ANK2: variants seen among roughly 807,000 people sequenced by gnomAD.
ANK2 encodes ankyrin 2.
In ANK2, 83 loss-of-function variants were observed where a neutral mutation model predicts 360.5. The ratio of observed to expected loss-of-function variants is 0.23; its 90% CI spans 0.19 to 0.28. ANK2 has a LOEUF of 0.28. Among genes scored for constraint, ANK2 ranks in the 10% least tolerant of loss-of-function variants. The pLI is 1.00. For synonymous variants in ANK2, 1,740 were observed against 1,759.5 expected (o/e 0.99, Z 0.28); for missense variants, 4,201 against 4,795.7 (o/e 0.88, Z 3.66).
At chr4:113,222,391 A>AT (rs397880062) in intron 4 of ANK2, among the ~76,000 whole-genome samples, 4,869 of 122,414 alleles carry the variant, frequency 0.04, 107 homozygotes, top group African/African-American at 0.049. Context: ...CTCTGAAACA[A>AT]TTTTTTTTTT....
At chr4:112,792,098 A>G in the ANK2 span, among the ~76,000 whole-genome samples, 8 of 128,482 alleles carry the variant, frequency 6.2e-5, no homozygotes, top group Non-Finnish European at 1.2e-4. Context: ...CTGGAGTGCA[A>G]TGGTGCAATC....
intron 1 of ANK2, among the ~76,000 whole-genome samples, chr4:113,152,075 AAAAG>A (rs776238273): frequency 0.088 from 2,149 of 24,352 alleles, 122 homozygotes; most frequent in African/African-American, 0.2. Flanking sequence ...CAAAAAAAAA[AAAAG>A]AAAAAAAAAA....
chr4:112,724,556 T>TACAC, the ANK2 span, among the ~76,000 whole-genome samples: 5,107 of 141,602 alleles, frequency 0.036, 124 homozygotes, highest in African/African-American at 0.07. Flanking sequence ...CACACACACA[T>TACAC]ACACACACAC....
At chr4:112,837,939 A>C (rs953095416) in intron 1 of ANK2, among the ~76,000 whole-genome samples, 4 of 152,218 alleles carry the variant, frequency 2.6e-5, no homozygotes, top group African/African-American at 9.6e-5. Context: ...TGCTGGGATG[A>C]GTTAAGACTT....
the ANK2 span, among the ~76,000 whole-genome samples, chr4:112,808,609 GA>G: frequency 1.3e-5 from 2 of 152,114 alleles, no homozygotes; most frequent in African/African-American, 4.8e-5. Flanking sequence ...CAAGAAGACA[GA>G]AACACCTGTG....
At chr4:112,772,805 G>T in the ANK2 span, among the ~76,000 whole-genome samples, 1 of 152,062 alleles carries the variant, frequency 6.6e-6, no homozygotes, top group East Asian at 1.9e-4. Flanking sequence ...TGGTGCAGTT[G>T]CTTTCTTCTT....
At chr4:112,816,481 A>G (rs2055643437), upstream of ANK2, among the ~76,000 whole-genome samples, 1 of 152,064 alleles carries the variant, frequency 6.6e-6, no homozygotes, top group Admixed American at 6.6e-5. Context: ...ATTTATAATT[A>G]TTAGATTGAA....
intron 2 of ANK2, among the ~76,000 whole-genome samples, chr4:112,915,990 C>T (rs1011774980): frequency 2.6e-5 from 4 of 151,864 alleles, no homozygotes; most frequent in Admixed American, 6.6e-5. Flanking sequence ...TCCATTCCTG[C>T]GTAACTCTTT....
At chr4:113,123,842 C>G (rs914446477) in intron 1 of ANK2, among the ~76,000 whole-genome samples, 1 of 152,102 alleles carries the variant, frequency 6.6e-6, no homozygotes, top group Non-Finnish European at 1.5e-5. Flanking sequence ...TTCAAGCGAT[C>G]GTAGATTTAC....
chr4:113,364,378 G>T (rs2096412339), intron 40 of ANK2, among the ~76,000 whole-genome samples: 1 of 152,300 alleles, frequency 6.6e-6, no homozygotes, highest in Non-Finnish European at 1.5e-5. Context: ...GTAAGCAAAT[G>T]AGAACAAGCT....
chr4:113,184,322 A>C (rs770493185), intron 2 of ANK2, among the ~76,000 whole-genome samples: 9 of 151,812 alleles, frequency 5.9e-5, no homozygotes, highest in Non-Finnish European at 1.3e-4. Context: ...GGTGACTATC[A>C]TAAACAGGGA....
intron 1 of ANK2, among the ~76,000 whole-genome samples, chr4:113,116,539 G>A (rs2094799943): frequency 6.6e-6 from 1 of 152,220 alleles, no homozygotes; most frequent in African/African-American, 2.4e-5. Context: ...GCAGTGGCAA[G>A]TAACTCCAAC....
the ANK2 span, among the ~76,000 whole-genome samples, chr4:112,746,711 A>G: frequency 2.0e-5 from 3 of 152,222 alleles, no homozygotes; most frequent in Non-Finnish European, 4.4e-5. Context: ...AACAGTTAAC[A>G]CATTAATCTA....
At chr4:113,263,358 A>G (rs896277399) in intron 13 of ANK2, among the ~76,000 whole-genome samples, 4 of 152,178 alleles carry the variant, frequency 2.6e-5, no homozygotes, top group African/African-American at 9.7e-5. Flanking sequence ...ACATCGTTTT[A>G]TAAAACAACA....
At chr4:113,316,230 ATT>A (rs1425347396) in intron 24 of ANK2, among the ~76,000 whole-genome samples, 1 of 152,172 alleles carries the variant, frequency 6.6e-6, no homozygotes, top group African/African-American at 2.4e-5. Context: ...TTATATTTAG[ATT>A]TTGTTTTATT....
At chr4:112,774,402 TG>T in the ANK2 span, among the ~76,000 whole-genome samples, 1 of 152,030 alleles carries the variant, frequency 6.6e-6, no homozygotes, top group Non-Finnish European at 1.5e-5. Flanking sequence ...GGCAGGTGTC[TG>T]TAGTCCCAGC....
intron 2 of ANK2, among the ~76,000 whole-genome samples, chr4:113,016,500 C>T (rs1286098743): frequency 6.6e-6 from 1 of 152,106 alleles, no homozygotes; most frequent in Non-Finnish European, 1.5e-5. Flanking sequence ...TTCTCTGCTC[C>T]AGGGATGCTC....
intron 2 of ANK2, among the ~76,000 whole-genome samples, chr4:112,945,397 G>T (rs2094482118): frequency 6.6e-6 from 1 of 152,170 alleles, no homozygotes; most frequent in African/African-American, 2.4e-5. Flanking sequence ...TTAGTATCAA[G>T]ATTTTAAAAG....
chr4:113,305,339 CAAAAAAAA>C (rs10667489), intron 23 of ANK2, among the ~76,000 whole-genome samples: 1 of 96,994 alleles, frequency 1.0e-5, no homozygotes, highest in South Asian at 3.9e-4. Context: ...GACTCCGTCT[CAAAAAAAA>C]AAAAAAAAAA....
Sources: gnomAD v4.1 joint callset for allele counts (sites outside exome capture counted in the v4.1 genomes callset) on GRCh38, gnomAD v4.1.1 for gene constraint, MANE v1.5 for transcripts, NCBI Gene and HGNC (gene_info 2026-07-23, HGNC 2026-07-21) for gene names.